Variants in SNRNP25 observed in about 807,000 individuals in gnomAD.
SNRNP25 encodes U11/U12 small nuclear ribonucleoprotein 25 kDa protein.
Under a neutral mutation model 23.9 loss-of-function variants are expected in SNRNP25, and 21 were observed. The observed-to-expected ratio is 0.88, with a 90% CI of 0.62 to 1.27. The LOEUF (loss-of-function observed/expected upper bound fraction) is 1.27, where lower values mean the gene tolerates loss of function less well. Ranked by LOEUF, SNRNP25 falls within the 50% of genes most tolerant of loss-of-function variation. The pLI is 0.00. For missense variants in SNRNP25, 160 were observed against 156.9 expected, an observed-to-expected ratio of 1.02 and a Z score of -0.11; for synonymous variants, 63 against 60.4, an observed-to-expected ratio of 1.04 and a Z score of -0.20.
chr16:57,500 T>C lies in SNRNP25; in HGVS notation c.*357T>C. On this transcript the variant is annotated 3_prime_UTR_variant, in exon 5 of 5. Coordinates refer to ENST00000293861, the MANE Select transcript of SNRNP25 (RefSeq NM_024571.4). ...GGTAGCAAAGACTGAGATTGCCCCA[T>C]CACAGAGGTGAGTTAAGGGGAGAGA... is the stretch of plus-strand genomic sequence containing the variant. 3.1e-6 allele frequency: 1 copy of C among 317,498 alleles called. No homozygotes were observed. Among genetic ancestry groups the C allele is most frequent in the Non-Finnish European group, 6.0e-6 (1 of 166,606 alleles). The allele number at this position is 317,498 out of a possible 1,614,324, so 19.7% of individuals were successfully genotyped here.
intron 1 of SNRNP25, among the ~76,000 whole-genome samples, chr16:54,366 C>G (rs1442314510): frequency 6.6e-6 from 1 of 152,182 alleles, no homozygotes; most frequent in Admixed American, 6.5e-5. Flanking sequence ...CCTCCCACCT[C>G]AGCCTCCCGA....
rs1361476723 is a variant in SNRNP25, at chr16:56,386, C to T, written c.240-153C>T. On this transcript the variant is annotated intron_variant, in intron 3 of 4. Coordinates refer to ENST00000293861, the MANE Select transcript of SNRNP25 (RefSeq NM_024571.4). ...GAACAGAGCCTCCTTGTAGCTGCCT[C>T]AGACCCAATCTGCACATTGTACAGA... 6.4e-6 allele frequency: 5 copies of T among 778,342 alleles called. No homozygotes were observed. In the South Asian group the frequency reaches 7.3e-5, roughly 11 times the overall value. 48.2% of individuals were successfully genotyped at this position (778,342 alleles called of 1,614,324 possible).
chr16:53,983 C>T lies in SNRNP25; in HGVS notation c.-34C>T. The T allele has an allele frequency of 1.2e-6, 2 of 1,607,928 alleles. No homozygotes were observed. The highest frequency in any genetic ancestry group is 1.7e-4 in the Middle Eastern group (1 of 6,054). On this transcript the variant is annotated 5_prime_UTR_variant, in exon 1 of 5. Coordinates refer to ENST00000293861, the MANE Select transcript of SNRNP25 (RefSeq NM_024571.4). The stretch of plus-strand genomic sequence containing the variant: ...ACGAAGAAGAGGCGCTGCCGCACTC[C>T]GAGGCCATGGACGTGTTCCAGGAGG...
chr16:54,509 C>G (rs1348468109), intron 1 of SNRNP25, among the ~76,000 whole-genome samples: 1 of 152,022 alleles, frequency 6.6e-6, no homozygotes, highest in Non-Finnish European at 1.5e-5. Flanking sequence ...CTCGGCCTCC[C>G]AAAATGCTGG....
intron 3 of SNRNP25, 117 bp downstream of exon 3, chr16:55,999 T>G (rs907349952): frequency 2.2e-6 from 2 of 890,886 alleles, no homozygotes; most frequent in African/African-American, 3.3e-5. Flanking sequence ...ACAGCACCAC[T>G]GAAGTGATGA....
Position 56,147 on chromosome 16 carries a change from C to G in SNRNP25, c.239+265C>G, listed in dbSNP as rs1469497223. ...CCATCCGAGCTGCTGGGTATCTTCA[C>G]TTGGGGACACTGTCGGGAATTTCCA... On this transcript the variant is annotated intron_variant, in intron 3 of 4. Transcript: ENST00000293861. 4.8e-6 allele frequency: 3 copies of G among 621,970 alleles called. No individual in the cohort carries two copies. In the Admixed American group the frequency reaches 6.8e-5, roughly 14 times the overall value. 38.5% of individuals were successfully genotyped at this position (621,970 alleles called of 1,614,324 possible).
intron 4 of SNRNP25, 102 bp from the exon 5 acceptor site, chr16:56,984 T>A: frequency 7.6e-7 from 1 of 1,320,542 alleles, no homozygotes; most frequent in African/African-American, 1.5e-5. Flanking sequence ...GCCACACGCC[T>A]CCCCTCTGTT....
Position 56,127 on chromosome 16 carries a change from C to T in SNRNP25, c.239+245C>T. The T allele has an allele frequency of 4.9e-6, 3 of 617,848 alleles. No individual in the cohort carries two copies. In the South Asian group the frequency reaches 5.4e-5, roughly 11 times the overall value. The allele number at this position is 617,848 out of a possible 1,614,324, so 38.3% of individuals were successfully genotyped here. A position where few individuals can be genotyped will look rare whatever the true frequency, so the allele number is the denominator to read the frequency against. Reference sequence around the variant, plus strand: ...GCTCTTCCATCGGCATCACCCCATCCGAGCTGCTGGGTATCTTCACTTGGG... The same window carrying T: ...GCTCTTCCATCGGCATCACCCCATCTGAGCTGCTGGGTATCTTCACTTGGG... On this transcript the variant is annotated intron_variant, in intron 3 of 4. Transcript: ENST00000293861.
rs1345532504 is a variant in SNRNP25, at chr16:55,490, C to T, written c.74C>T (p.Ala25Val). Residue 25 changes from alanine to valine, a missense_variant, in exon 2 of 5, where the codon GCC (alanine) becomes GTC (valine). Transcript: ENST00000293861. ...CTGGAAGAAGTCAACTCCCAAATAG[C>T]CCTAGAATACGGCCAGGCAATGACG... Reference protein sequence around the residue: ...VTLEEVNSQIALEYGQAMTVR... With the variant: ...VTLEEVNSQIVLEYGQAMTVR... 2 of 1,614,022 alleles carry T rather than the reference C, an allele frequency of 1.2e-6. No individual in the cohort carries two copies. Among genetic ancestry groups the T allele is most frequent in the Non-Finnish European group, 1.7e-6 (2 of 1,180,042 alleles).
At chr16:56,354 C>G (rs1328227555) in intron 3 of SNRNP25, 185 bp from the exon 4 acceptor site, 1 of 724,650 alleles carries the variant, frequency 1.4e-6, no homozygotes, top group Non-Finnish European at 2.5e-6. Flanking sequence ...CCCAGACAGC[C>G]CTCTGAGAAC....
chr16:54,081 G>A (rs1453167865), intron 1 of SNRNP25, 23 bp downstream of exon 1: 15 of 1,590,056 alleles, frequency 9.4e-6, no homozygotes, highest in Non-Finnish European at 1.2e-5. Flanking sequence ...GGGGGCTGGG[G>A]GCGCGGGAGT....
At chr16:54,100 G>T in intron 1 of SNRNP25, 42 bp downstream of exon 1, 2 of 1,554,342 alleles carry the variant, frequency 1.3e-6, no homozygotes, top group Non-Finnish European at 1.7e-6. Context: ...GTCGTTCCCC[G>T]GGGTCCGGGC....
At position 57,432 on chromosome 16, in the gene SNRNP25, T is replaced by C. The variant is rs552040052; in HGVS notation, c.*289T>C. 1.1e-5 allele frequency: 5 copies of C among 460,074 alleles called. No individual in the cohort carries two copies. The South Asian group carries it at 1.9e-4, about 18-fold the overall frequency. 28.5% of individuals were successfully genotyped at this position (460,074 alleles called of 1,614,324 possible). On this transcript the variant is annotated 3_prime_UTR_variant, in exon 5 of 5. Transcript: ENST00000293861. ...CCTGGCCCACTGTATAAAATAAACC[T>C]GTTTGCTTCTTAGTTTGAAAAGTAG...
chr16:55,199 C>T, intron 1 of SNRNP25: 2 of 432,166 alleles, frequency 4.6e-6, no homozygotes, highest in Non-Finnish European at 8.6e-6. Context: ...GGGGCAGGTC[C>T]TCATGTGAGT....
Position 53,936 on chromosome 16 carries a change from G to A in SNRNP25, c.-81G>A, listed in dbSNP as rs369430027. 282 of 1,570,030 alleles carry A rather than the reference G, an allele frequency of 1.8e-4. No individual in the cohort carries two copies. In the African/African-American group the frequency reaches 3.4e-3, roughly 19 times the overall value. ...GGAGACGGAGGCCGCGGGTGGGCCC[G>A]AGGCGCAAGAGGAAGATGAGGACGA... On this transcript the variant is annotated 5_prime_UTR_variant, in exon 1 of 5. Coordinates refer to ENST00000293861, the MANE Select transcript of SNRNP25 (RefSeq NM_024571.4).
At chr16:54,671 G>C (rs961482274) in intron 1 of SNRNP25, among the ~76,000 whole-genome samples, 2 of 152,172 alleles carry the variant, frequency 1.3e-5, no homozygotes, top group African/African-American at 4.8e-5. Context: ...CGTCAATCAT[G>C]TGTCAAAGCG....
At chr16:56,342 G>T (rs767806119) in intron 3 of SNRNP25, 197 bp from the exon 4 acceptor site, 1 of 718,642 alleles carries the variant, frequency 1.4e-6, no homozygotes. Context: ...TGGCCAAGCC[G>T]CCCCAGACAG....
At chr16:56,744 C>T (rs1897416380) in intron 4 of SNRNP25, 131 bp downstream of exon 4, 1 of 962,066 alleles carries the variant, frequency 1.0e-6, no homozygotes, top group Admixed American at 2.2e-5. Context: ...TCCTTGGGGC[C>T]CTCCCCACTA....
chr16:57,059 T>C lies in SNRNP25; in HGVS notation c.315-27T>C, dbSNP rs567172122. The C allele has an allele frequency of 8.1e-6, 13 of 1,613,928 alleles. No homozygotes were observed. The South Asian group carries it at 1.2e-4, about 15-fold the overall frequency. Reference sequence around the variant, plus strand: ...CAGATATGTCCTTCTGTAGGGCAGGTGCTTTATGCCTTTCCTTCTTTTTCA... The same window carrying C: ...CAGATATGTCCTTCTGTAGGGCAGGCGCTTTATGCCTTTCCTTCTTTTTCA... On this transcript the variant is annotated intron_variant, in intron 4 of 4. Coordinates refer to ENST00000293861, the MANE Select transcript of SNRNP25 (RefSeq NM_024571.4).
Sources: allele counts gnomAD v4.1 joint callset (sites outside exome capture counted in the v4.1 genomes callset), GRCh38; gene constraint gnomAD v4.1.1; transcripts MANE v1.5; gene names NCBI Gene and HGNC (gene_info 2026-07-23, HGNC 2026-07-21).